The following PAPSS2 variants were observed in gnomAD, a reference collection of about 807,000 sequenced individuals.
PAPSS2 encodes bifunctional 3'-phosphoadenosine 5'-phosphosulfate synthase 2.
PAPSS2 carries 61 observed loss-of-function variants against 66.5 expected under a neutral mutation model. The ratio of observed to expected loss-of-function variants is 0.92; its 90% CI spans 0.75 to 1.14. The LOEUF (loss-of-function observed/expected upper bound fraction) is 1.14, where lower values mean the gene tolerates loss of function less well. Among genes scored for constraint, PAPSS2 ranks in the 50% most tolerant of loss-of-function variants. PAPSS2 has a pLI of 0.00. For missense variants in PAPSS2, 708 were observed against 789.6 expected (o/e 0.90, Z 1.24); for synonymous variants, 289 against 287.5 (o/e 1.01, Z -0.05).
intron 1 of PAPSS2, among the ~76,000 whole-genome samples, chr10:87,691,165 T>G (rs893243418): frequency 2.6e-5 from 4 of 152,214 alleles, no homozygotes; most frequent in African/African-American, 4.8e-5. Context: ...TCCACCACTT[T>G]GGCACCTATC....
intron 1 of PAPSS2, among the ~76,000 whole-genome samples, chr10:87,708,493 G>C (rs1420125737): frequency 6.6e-6 from 1 of 152,060 alleles, no homozygotes; most frequent in East Asian, 1.9e-4. Context: ...GGCTCTATAG[G>C]GACTGGGGAT....
rs1853511586 is a variant in PAPSS2 at position 87,714,815 on chromosome 10, C to T, written c.591C>T (p.Ser197=). 6.2e-7 allele frequency: 1 copy of T among 1,613,374 alleles called. No individual in the cohort carries two copies. Among genetic ancestry groups the T allele is most frequent in the East Asian group, 2.2e-5 (1 of 44,874 alleles). The change falls in exon 5 of 13, where the codon TCC becomes TCT. Residue 197 remains serine, a synonymous_variant. Transcript: ENST00000456849. ...TPERVLKTNL[S]TVSDCVHQVV... is the part of the protein sequence containing the mutation. Reference sequence around the variant, plus strand: ...AGCGTGTGCTTAAAACCAATTTGTCCACAGTGAGTGACTGTGTCCACCAGG... The same window carrying T: ...AGCGTGTGCTTAAAACCAATTTGTCTACAGTGAGTGACTGTGTCCACCAGG...
chr10:87,664,744 T>C (rs915865676), intron 1 of PAPSS2, among the ~76,000 whole-genome samples: 2 of 152,166 alleles, frequency 1.3e-5, no homozygotes, highest in African/African-American at 4.8e-5. Context: ...TATCACTAAA[T>C]AGTAATGGGC....
At chr10:87,671,880 T>C (rs552533021) in intron 1 of PAPSS2, among the ~76,000 whole-genome samples, 1 of 152,320 alleles carries the variant, frequency 6.6e-6, no homozygotes, top group Non-Finnish European at 1.5e-5. Context: ...TGTAATTGTG[T>C]GGCTTTGAGC....
intron 8 of PAPSS2, among the ~76,000 whole-genome samples, chr10:87,723,076 C>T (rs10887746): frequency 0.5 from 76,333 of 152,046 alleles, 20,108 homozygotes; most frequent in East Asian, 0.71. Flanking sequence ...TGGAAGGCAA[C>T]GTTACAGACG....
rs1291238899 is a variant in PAPSS2, at chr10:87,706,106, ATATGTGTGTGTG to A, written c.28-3088_28-3077del. On this transcript the variant is annotated intron_variant, in intron 1 of 12. Transcript: ENST00000456849. ...ATGGTATATATATATATATATATAT[ATATGTGTGTGTG>A]TGTGTGTGTGTGTGTGTGTGTGTAT... is the stretch of plus-strand genomic sequence containing the variant. Among the ~76,000 whole-genome samples, 76 of 85,274 alleles carry A rather than the reference ATATGTGTGTGTG, an allele frequency of 8.9e-4. 3 individuals are homozygous for A. Among genetic ancestry groups the A allele is most frequent in the South Asian group, 6.5e-3 (13 of 2,002 alleles). The allele number at this position is 85,274 out of a possible 152,430, so 55.9% of individuals were successfully genotyped here.
chr10:87,689,244 G>T (rs1364830833), intron 1 of PAPSS2, among the ~76,000 whole-genome samples: 1 of 138,370 alleles, frequency 7.2e-6, no homozygotes, highest in South Asian at 2.3e-4. Context: ...GGAGGCTGAG[G>T]CAGGAGAATT....
chr10:87,731,190 A>G (rs1411261388), intron 9 of PAPSS2, among the ~76,000 whole-genome samples: 2 of 152,232 alleles, frequency 1.3e-5, no homozygotes, highest in African/African-American at 4.8e-5. Flanking sequence ...TGAAAATCCT[A>G]GGGTCCTTAA....
At chr10:87,743,293 T>A in intron 10 of PAPSS2, 80 bp from the exon 11 acceptor site, 2 of 1,306,912 alleles carry the variant, frequency 1.5e-6, no homozygotes, top group Non-Finnish European at 2.2e-6. Context: ...ACAATAAACA[T>A]AGCTGTGTCC....
chr10:87,720,035 G>A (rs1471132400), intron 7 of PAPSS2, among the ~76,000 whole-genome samples: 1 of 151,974 alleles, frequency 6.6e-6, no homozygotes, highest in East Asian at 1.9e-4. Context: ...ACAGGCGCTT[G>A]CCACGAAGCC....
At position 87,714,883 on chromosome 10, in the gene PAPSS2, TTTTTTATATGTTTAATAAAATCA is replaced by T. The variant is rs758410743; in HGVS notation, c.639+22_639+44del. 6.7e-7 allele frequency: 1 copy of T among 1,500,128 alleles called. No homozygotes were observed. Among genetic ancestry groups the T allele is most frequent in the Non-Finnish European group, 9.3e-7 (1 of 1,076,040 alleles). The allele number at this position is 1,500,128 out of a possible 1,614,324, so 92.9% of individuals were successfully genotyped here. A position where few individuals can be genotyped will look rare whatever the true frequency, so the allele number is the denominator to read the frequency against. On this transcript the variant is annotated intron_variant, in intron 5 of 12. Coordinates refer to ENST00000456849, the MANE Select transcript of PAPSS2 (RefSeq NM_001015880.2). ...GAGCAGGTAGGTGAACCGGTTGTCTTTTTTTATATGTTTAATAAAATCATGAAAGACAATCTATGCCTCTTTAC... is the reference window on the plus strand; with the variant it reads ...GAGCAGGTAGGTGAACCGGTTGTCTTTGAAAGACAATCTATGCCTCTTTAC...
At chr10:87,724,873 T>TACACAC (rs1210704196) in intron 8 of PAPSS2, among the ~76,000 whole-genome samples, 3 of 50,582 alleles carry the variant, frequency 5.9e-5, no homozygotes, top group Non-Finnish European at 1.1e-4. Flanking sequence ...CACACACACA[T>TACACAC]ACACACATAG....
intron 4 of PAPSS2, 72 bp from the exon 5 acceptor site, chr10:87,714,673 G>A: frequency 1.1e-6 from 1 of 926,096 alleles, no homozygotes; most frequent in Non-Finnish European, 1.8e-6. Context: ...TCCAACATGT[G>A]TTTTGCCTTA....
chr10:87,745,941 G>T lies in PAPSS2; in HGVS notation c.1831G>T (p.Asp611Tyr), dbSNP rs761755006. 5 of 1,614,066 alleles carry T rather than the reference G, an allele frequency of 3.1e-6. No homozygotes were observed. Among genetic ancestry groups the T allele is most frequent in the Middle Eastern group, 3.3e-4 (2 of 6,060 alleles). ...MAPKAWKVLT[D>Y]YYRSLEKN Reference sequence around the variant, plus strand: ...CCCCAAAGCATGGAAGGTCCTGACAGATTATTACAGGTCCCTGGAGAAGAA... The same window carrying T: ...CCCCAAAGCATGGAAGGTCCTGACATATTATTACAGGTCCCTGGAGAAGAA... The change falls in exon 13 of 13, where the codon GAT becomes TAT. Residue 611 changes from aspartate to tyrosine, a missense_variant. Coordinates refer to ENST00000456849, the MANE Select transcript of PAPSS2 (RefSeq NM_001015880.2).
rs530945375 is a variant in PAPSS2, at chr10:87,747,471, A to C, written c.*1501A>C. 6.6e-6 allele frequency: 1 copy of C among 152,660 alleles called. No homozygotes were observed. The highest frequency in any genetic ancestry group is 2.1e-4 in the South Asian group (1 of 4,828). The allele number at this position is 152,660 out of a possible 1,614,324, so 9.5% of individuals were successfully genotyped here. On this transcript the variant is annotated 3_prime_UTR_variant, in exon 13 of 13. Coordinates refer to ENST00000456849, the MANE Select transcript of PAPSS2 (RefSeq NM_001015880.2). ...ACAATGGCCACAGCAGTTTGTCTTT[A>C]ATAGTATAGTGCCTATACTCATGTA...
chr10:87,718,429 C>G (rs528569472), intron 7 of PAPSS2, among the ~76,000 whole-genome samples: 1 of 152,296 alleles, frequency 6.6e-6, no homozygotes, highest in African/African-American at 2.4e-5. Context: ...AGATGTCTGT[C>G]CCCGCAAACC....
chr10:87,733,239 A>G (rs1056876261), intron 9 of PAPSS2, among the ~76,000 whole-genome samples: 1 of 152,294 alleles, frequency 6.6e-6, no homozygotes, highest in Non-Finnish European at 1.5e-5. Flanking sequence ...CTTATCTCCA[A>G]CGTCATTCTT....
rs182505319 is a variant in PAPSS2 at position 87,659,911 on chromosome 10, C to T, written c.-71C>T. On this transcript the variant is annotated 5_prime_UTR_variant, in exon 1 of 13. Coordinates refer to ENST00000456849, the MANE Select transcript of PAPSS2 (RefSeq NM_001015880.2). ...CTGCTGCTGCTGCTGCTGCTGCCGC[C>T]GCCGCCGCCGCCGTCCCTGCGTCCT... 1.0e-3 allele frequency: 1,556 copies of T among 1,509,572 alleles called. 7 individuals are homozygous for T. The African/African-American group carries it at 0.021, about 21-fold the overall frequency. 93.5% of individuals were successfully genotyped at this position (1,509,572 alleles called of 1,614,324 possible). A position where few individuals can be genotyped will look rare whatever the true frequency, so the allele number is the denominator to read the frequency against.
chr10:87,678,585 C>T lies in PAPSS2; in HGVS notation c.27+18577C>T, dbSNP rs572191699. Among the ~76,000 whole-genome samples, 87 of 121,384 alleles carry T rather than the reference C, an allele frequency of 7.2e-4. 1 individual carries two copies. In the South Asian group the frequency reaches 7.5e-3, roughly 10 times the overall value. 79.6% of individuals were successfully genotyped at this position (121,384 alleles called of 152,430 possible). The stretch of plus-strand genomic sequence containing the variant: ...TATCCAGACTATATCAGAAACCCAG[C>T]AGCGTAAAAAAAAAATTCCATTAAA... On this transcript the variant is annotated intron_variant, in intron 1 of 12. Transcript: ENST00000456849.
Sources: gnomAD v4.1 joint callset for allele counts (sites outside exome capture counted in the v4.1 genomes callset) on GRCh38, gnomAD v4.1.1 for gene constraint, MANE v1.5 for transcripts, NCBI Gene and HGNC (gene_info 2026-07-23, HGNC 2026-07-21) for gene names.